DRC8: variants seen among roughly 807,000 people sequenced by gnomAD.
DRC8 encodes dynein regulatory complex protein 8.
chr1:245,124,483 TGGACAGAAATATAGTTGTAA>T, the DRC8 span: 1 of 152,228 alleles, frequency 6.6e-6, no homozygotes, highest in Non-Finnish European at 1.5e-5. Flanking sequence ...AGAAGAATTC[TGGACAGAAATATAGTTGTAA>T]GTAAGCATCA....
the DRC8 span, among the ~76,000 whole-genome samples, chr1:244,974,422 A>G: frequency 8.5e-5 from 13 of 152,202 alleles, no homozygotes; most frequent in Non-Finnish European, 1.6e-4. Context: ...TTTTGTTTCT[A>G]TTAAAATATT....
At chr1:244,970,458 C>A in the DRC8 span, 10 of 1,524,988 alleles carry the variant, frequency 6.6e-6, no homozygotes, top group South Asian at 1.1e-4. Context: ...GGTAGGGGAG[C>A]CGGGGAGCCG....
chr1:244,973,662 C>T, the DRC8 span, among the ~76,000 whole-genome samples: 1 of 152,168 alleles, frequency 6.6e-6, no homozygotes, highest in Non-Finnish European at 1.5e-5. Flanking sequence ...TATTCACTAG[C>T]ATGTCTTTAA....
the DRC8 span, among the ~76,000 whole-genome samples, chr1:245,019,792 C>A: frequency 1.3e-5 from 2 of 152,008 alleles, no homozygotes; most frequent in African/African-American, 2.4e-5. Context: ...AAAATAAAAA[C>A]TAAAAACTAA....
chr1:245,021,848 A>G, the DRC8 span, among the ~76,000 whole-genome samples: 1 of 151,952 alleles, frequency 6.6e-6, no homozygotes, highest in Admixed American at 6.6e-5. Flanking sequence ...TAAAATACAT[A>G]TTTTGTTTTA....
chr1:245,065,277 G>A, the DRC8 span, among the ~76,000 whole-genome samples: 1 of 151,292 alleles, frequency 6.6e-6, no homozygotes, highest in Non-Finnish European at 1.5e-5. Context: ...GGTCTTGAAC[G>A]CCTGACCTCA....
chr1:244,969,861 T>A, the DRC8 span: 4 of 424,120 alleles, frequency 9.4e-6, no homozygotes, highest in Non-Finnish European at 1.7e-5. Flanking sequence ...GCCGGGCCGC[T>A]TCCCGGCGGG....
the DRC8 span, among the ~76,000 whole-genome samples, chr1:245,079,020 T>C: frequency 6.6e-6 from 1 of 152,224 alleles, no homozygotes; most frequent in Non-Finnish European, 1.5e-5. Context: ...CTCTGTATTA[T>C]ATTTGGAACT....
chr1:245,053,464 GGAGA>G, the DRC8 span, among the ~76,000 whole-genome samples: 1 of 152,184 alleles, frequency 6.6e-6, no homozygotes, highest in Non-Finnish European at 1.5e-5. Context: ...AGAGCTCAAT[GGAGA>G]GATTAGCTTT....
At chr1:245,001,011 A>G in the DRC8 span, among the ~76,000 whole-genome samples, 1 of 152,086 alleles carries the variant, frequency 6.6e-6, no homozygotes, top group African/African-American at 2.4e-5. Context: ...CCAGGCAGAG[A>G]GAGGGGCATG....
At chr1:245,064,407 T>C in the DRC8 span, among the ~76,000 whole-genome samples, 1 of 152,188 alleles carries the variant, frequency 6.6e-6, no homozygotes, top group Non-Finnish European at 1.5e-5. Flanking sequence ...TAATGATAGT[T>C]CTTAACAAAA....
At chr1:245,078,464 C>A in the DRC8 span, among the ~76,000 whole-genome samples, 1 of 44,496 alleles carries the variant, frequency 2.2e-5, no homozygotes, top group Non-Finnish European at 5.3e-5. Context: ...TATATGTACA[C>A]ACACACACAC....
chr1:245,064,878 A>C, the DRC8 span, among the ~76,000 whole-genome samples: 1 of 151,924 alleles, frequency 6.6e-6, no homozygotes, highest in Non-Finnish European at 1.5e-5. Flanking sequence ...AGAGTTTGAA[A>C]TTTCACAAAG....
chr1:244,995,275 C>A, the DRC8 span, among the ~76,000 whole-genome samples: 2 of 151,868 alleles, frequency 1.3e-5, no homozygotes, highest in East Asian at 3.9e-4. Context: ...TCAGGAGAAT[C>A]GCTTGAATCC....
the DRC8 span, chr1:245,107,397 AC>A: frequency 6.6e-6 from 1 of 152,436 alleles, no homozygotes; most frequent in Non-Finnish European, 1.5e-5. Flanking sequence ...GTTAATCTTT[AC>A]AACTCTTCAG....
chr1:245,110,385 A>AAAAAC, the DRC8 span, among the ~76,000 whole-genome samples: 10 of 151,330 alleles, frequency 6.6e-5, no homozygotes, highest in African/African-American at 2.2e-4. Context: ...TTCCTTCTCA[A>AAAAAC]AAAACAAAAC....
the DRC8 span, among the ~76,000 whole-genome samples, chr1:245,007,786 C>A: frequency 6.7e-6 from 1 of 148,278 alleles, no homozygotes. Context: ...AGGTAAGCCA[C>A]GGGAGAATGA....
the DRC8 span, among the ~76,000 whole-genome samples, chr1:245,033,374 ATGGAATGCCCT>A: frequency 2.0e-5 from 3 of 152,212 alleles, no homozygotes; most frequent in Non-Finnish European, 2.9e-5. Flanking sequence ...GGCAGTGAGC[ATGGAATGCCCT>A]TGTCTACGTT....
At chr1:245,084,059 T>TCCCCCCC in the DRC8 span, among the ~76,000 whole-genome samples, 2 of 31,108 alleles carry the variant, frequency 6.4e-5, no homozygotes, top group African/African-American at 8.4e-5. Flanking sequence ...ATATAAAAAT[T>TCCCCCCC]CCGCCCCCCC....
Sources: allele counts gnomAD v4.1 joint callset (sites outside exome capture counted in the v4.1 genomes callset), GRCh38; gene constraint gnomAD v4.1.1; transcripts MANE v1.5; gene names NCBI Gene and HGNC (gene_info 2026-07-23, HGNC 2026-07-21).